MED13L: variants seen among roughly 807,000 people sequenced by gnomAD.
MED13L encodes mediator complex subunit 13L.
Under a neutral mutation model 220.9 loss-of-function variants are expected in MED13L, and 7 were observed. That is an observed-to-expected ratio of 0.03 (90% CI 0.02 to 0.06). MED13L has a LOEUF of 0.06. MED13L is among the 10% of genes least tolerant of loss of function. The probability of loss-of-function intolerance (pLI) is 1.00; values close to 1 mark genes in which losing one functional copy is unlikely to be tolerated. For missense variants in MED13L, 1,965 were observed against 2,760.5 expected, an observed-to-expected ratio of 0.71 and a Z score of 6.46; for synonymous variants, 1,011 against 1,015.2, an observed-to-expected ratio of 1.00 and a Z score of 0.08.
intron 4 of MED13L, among the ~76,000 whole-genome samples, chr12:116,026,215 A>G (rs970413327): frequency 6.6e-6 from 1 of 152,234 alleles, no homozygotes; most frequent in Non-Finnish European, 1.5e-5. Flanking sequence ...AGTTAATTTA[A>G]GGATTGGTTT....
At chr12:116,052,452 A>G (rs1346212132) in intron 4 of MED13L, among the ~76,000 whole-genome samples, 2 of 152,254 alleles carry the variant, frequency 1.3e-5, no homozygotes, top group Non-Finnish European at 2.9e-5. Flanking sequence ...GCATTAACTA[A>G]TGAGAAAATT....
At chr12:116,185,107 C>A (rs1880790079) in intron 2 of MED13L, among the ~76,000 whole-genome samples, 1 of 152,110 alleles carries the variant, frequency 6.6e-6, no homozygotes, top group Admixed American at 6.5e-5. Context: ...TTTTAACAAA[C>A]ATCTTTATTC....
chr12:116,124,726 C>A (rs1875429345), intron 2 of MED13L, among the ~76,000 whole-genome samples: 1 of 152,102 alleles, frequency 6.6e-6, no homozygotes, highest in Non-Finnish European at 1.5e-5. Context: ...AATATAAAGG[C>A]CCTAATTTAA....
chr12:116,031,704 A>AGAAAAGAAAAGAAAAG (rs1566020471), intron 4 of MED13L, among the ~76,000 whole-genome samples: 1 of 48,366 alleles, frequency 2.1e-5, no homozygotes, highest in Non-Finnish European at 4.3e-5. Context: ...AGAAAAGAAA[A>AGAAAAGAAAAGAAAAG]GAAAAGAAAA....
rs545013557 is a variant in MED13L at position 116,007,453 on chromosome 12, T to C, written c.2196A>G (p.Lys732=). The C allele has an allele frequency of 1.5e-5, 25 of 1,613,986 alleles. No homozygotes were observed. The South Asian group carries it at 2.4e-4, about 16-fold the overall frequency. ...DIKYIFTANK[K]CKQGTEKDSL... The stretch of plus-strand genomic sequence containing the variant: ...AATCTTTCTCCGTCCCTTGTTTGCA[T>C]TTCTTGTTGGCTGTAAAGATGTATT... Residue 732 remains lysine (K), a synonymous_variant, in exon 11 of 31, where the codon AAA becomes AAG. Transcript: ENST00000281928.
Position 115,991,657 on chromosome 12 carries a change from G to C in MED13L, c.3297C>G (p.Thr1099=), listed in dbSNP as rs760397709. 15 of 1,613,986 alleles carry C rather than the reference G, an allele frequency of 9.3e-6. No homozygotes were observed. The East Asian group carries it at 2.2e-4, about 24-fold the overall frequency. ...TRPLNSVEPA[T]MQPIPEAHSL... ...TGTGGGCTTCGGGAATTGGCTGCAT[G>C]GTGGCGGGCTCCACAGAGTTGAGGG... The change falls in exon 17 of 31, where the codon ACC becomes ACG. Residue 1099 remains threonine (T), a synonymous_variant. Transcript: ENST00000281928. This position sits in a 1 kb window ranked among gnomAD's most constrained non-coding sequence, Gnocchi z 7.7.
At chr12:116,088,632 TA>T (rs1196345749) in intron 4 of MED13L, among the ~76,000 whole-genome samples, 1 of 150,516 alleles carries the variant, frequency 6.6e-6, no homozygotes, top group Non-Finnish European at 1.5e-5. Flanking sequence ...ATAAAAGAAG[TA>T]AAGAAATTTC....
chr12:116,172,603 C>T (rs1202456236), intron 2 of MED13L, among the ~76,000 whole-genome samples: 1 of 152,136 alleles, frequency 6.6e-6, no homozygotes, highest in South Asian at 2.1e-4. Flanking sequence ...GGCAACACAG[C>T]ATAGTGAAAA....
At chr12:116,178,667 AAAG>A (rs1468139428) in intron 2 of MED13L, among the ~76,000 whole-genome samples, 1 of 152,216 alleles carries the variant, frequency 6.6e-6, no homozygotes, top group Non-Finnish European at 1.5e-5. Context: ...ACCTCACAGT[AAAG>A]AATTAGGTCT....
chr12:116,176,845 T>C (rs1175017243), intron 2 of MED13L, among the ~76,000 whole-genome samples: 1 of 139,332 alleles, frequency 7.2e-6, no homozygotes, highest in Non-Finnish European at 1.5e-5. Context: ...GGCTCTGACC[T>C]GTGGTACATA....
intron 2 of MED13L, among the ~76,000 whole-genome samples, chr12:116,194,730 T>A (rs1255310163): frequency 2.0e-5 from 3 of 152,124 alleles, no homozygotes; most frequent in African/African-American, 7.2e-5. Flanking sequence ...ATGACTGAAA[T>A]ATAATAAGCT....
intron 2 of MED13L, among the ~76,000 whole-genome samples, chr12:116,208,838 T>TG (rs1882516311): frequency 1.3e-5 from 2 of 152,088 alleles, no homozygotes; most frequent in South Asian, 4.1e-4. Flanking sequence ...CGCATGGTGG[T>TG]GTGCACCTGT....
chr12:116,096,292 C>T (rs2137813571), intron 4 of MED13L, among the ~76,000 whole-genome samples: 1 of 128,220 alleles, frequency 7.8e-6, no homozygotes, highest in Non-Finnish European at 1.6e-5. Context: ...GAAGTCGAGG[C>T]TGAGGTGAGC....
At chr12:115,965,996 G>T in intron 29 of MED13L, 86 bp downstream of exon 29, 1 of 1,481,920 alleles carries the variant, frequency 6.7e-7, no homozygotes, top group Non-Finnish European at 9.4e-7. Flanking sequence ...AGATTATGGT[G>T]ACTAAAACTG....
rs767582207 is a variant in MED13L at position 115,996,524 on chromosome 12, T to A, written c.2948A>T (p.Glu983Val). 1.2e-6 allele frequency: 2 copies of A among 1,614,114 alleles called. No individual in the cohort carries two copies. The change falls in exon 16 of 31, where the codon GAA becomes GTA. Residue 983 changes from glutamate to valine, a missense_variant. Glu to Val is a moderately radical substitution (Grantham distance 121). Transcript: ENST00000281928. The part of the protein sequence containing the change: ...RPSWAIPPKI[E>V]QLPMPPAATF... ...GGCTGCAGGGGGCATGGGCAGTTGT[T>A]CAATTTTAGGAGGAATTGCCCATGA... is the stretch of plus-strand genomic sequence containing the variant.
chr12:116,131,652 T>G (rs1876075349), intron 2 of MED13L, among the ~76,000 whole-genome samples: 2 of 152,326 alleles, frequency 1.3e-5, no homozygotes, highest in South Asian at 4.1e-4. Flanking sequence ...TGTTTTTGTG[T>G]GCATGTATCA....
At chr12:116,063,448 A>T (rs991808238) in intron 4 of MED13L, among the ~76,000 whole-genome samples, 1 of 152,120 alleles carries the variant, frequency 6.6e-6, no homozygotes, top group Non-Finnish European at 1.5e-5. Flanking sequence ...AACCCAGGAG[A>T]TCCAGGCTAC....
intron 3 of MED13L, among the ~76,000 whole-genome samples, chr12:116,106,924 T>G (rs887875664): frequency 1.3e-5 from 2 of 152,134 alleles, no homozygotes; most frequent in African/African-American, 4.8e-5. Flanking sequence ...CTATGTGACT[T>G]TTAATGTTTG....
intron 2 of MED13L, chr12:116,236,874 A>G (rs1407971989): frequency 1.0e-6 from 1 of 985,142 alleles, no homozygotes; most frequent in East Asian, 1.1e-4. Flanking sequence ...ATCAGGCAAC[A>G]CCGGAGCCAA....
Sources: allele counts gnomAD v4.1 joint callset (sites outside exome capture counted in the v4.1 genomes callset), GRCh38; gene constraint gnomAD v4.1.1; non-coding constraint Gnocchi (gnomAD v3.1); transcripts MANE v1.5; gene names NCBI Gene and HGNC (gene_info 2026-07-23, HGNC 2026-07-21).